Variants in NCOR2 observed in about 807,000 individuals in gnomAD.
The protein encoded by NCOR2 is CTG repeat protein 26.
In NCOR2, 81 loss-of-function variants were observed where a neutral mutation model predicts 262.9. The ratio of observed to expected loss-of-function variants is 0.31; its 90% CI spans 0.26 to 0.37. NCOR2 has a LOEUF of 0.37. Among genes scored for constraint, NCOR2 ranks in the 10% least tolerant of loss-of-function variants. The pLI is 1.00. For missense variants in NCOR2, 3,385 were observed against 3,621.4 expected, an observed-to-expected ratio of 0.93 and a Z score of 1.68; for synonymous variants, 1,659 against 1,559.3, an observed-to-expected ratio of 1.06 and a Z score of -1.51.
At position 124,347,909 on chromosome 12, in the gene NCOR2, G is replaced by C. The variant is rs772604310; in HGVS notation, c.3988C>G (p.Leu1330Val). The stretch of plus-strand genomic sequence containing the variant: ...TCCGGCGGGATGGCACGGCCCATGA[G>C]ACCTGGGTAGGAGAGGGTGAGGCCA... Residue 1330 changes from leucine (L) to valine (V), a missense_variant and splice_region_variant, in exon 30 of 47, where the codon CTC (leucine) becomes GTC (valine). By Grantham distance (32) the Leu-to-Val change is conservative. Transcript: ENST00000405201. 41 of 1,559,186 alleles carry C rather than the reference G, an allele frequency of 2.6e-5. No individual in the cohort carries two copies. The Admixed American group carries it at 7.5e-4, about 29-fold the overall frequency.
At chr12:124,555,568 G>A (rs949049447) in intron 1 of NCOR2, among the ~76,000 whole-genome samples, 39 of 152,322 alleles carry the variant, frequency 2.6e-4, no homozygotes, top group Admixed American at 1.9e-3. Context: ...ATGCGGAAAC[G>A]AGCACAAAGT....
chr12:124,419,198 C>T (rs2043076072), intron 13 of NCOR2, among the ~76,000 whole-genome samples: 1 of 152,186 alleles, frequency 6.6e-6, no homozygotes, highest in Non-Finnish European at 1.5e-5. Flanking sequence ...TTTTTTCAAA[C>T]CAACTCCTTT....
At chr12:124,479,466 C>CACAT (rs1382003072) in intron 3 of NCOR2, among the ~76,000 whole-genome samples, 2 of 100,664 alleles carry the variant, frequency 2.0e-5, no homozygotes, top group Non-Finnish European at 4.6e-5. Context: ...CACACACACA[C>CACAT]ACAAACACGC....
At chr12:124,433,400 C>T (rs546322742) in intron 8 of NCOR2, among the ~76,000 whole-genome samples, 3 of 152,374 alleles carry the variant, frequency 2.0e-5, no homozygotes, top group Non-Finnish European at 4.4e-5. Context: ...CACGTGGTGA[C>T]TGGTGCAGAC....
intron 1 of NCOR2, among the ~76,000 whole-genome samples, chr12:124,520,801 G>A (rs915962295): frequency 5.3e-5 from 8 of 152,108 alleles, no homozygotes; most frequent in East Asian, 1.9e-4. Context: ...TCCATACTTC[G>A]AAAAAGCATC....
intron 8 of NCOR2, among the ~76,000 whole-genome samples, chr12:124,435,980 A>G (rs1253834711): frequency 2.0e-5 from 3 of 152,218 alleles, no homozygotes; most frequent in Non-Finnish European, 1.5e-5. Context: ...GAGCACTCAG[A>G]AGAGCGCCTG....
At chr12:124,495,258 G>A (rs1197845756), upstream of NCOR2, 2 of 1,609,242 alleles carry the variant, frequency 1.2e-6, no homozygotes, top group East Asian at 2.2e-5. The surrounding 1 kb of genome is among the most constrained non-coding windows in gnomAD (Gnocchi z 4.4). Context: ...ACATGGTGGT[G>A]GGGGTCGGCG....
At position 124,372,160 on chromosome 12, in the gene NCOR2, G is replaced by A. The variant is rs377259499; in HGVS notation, c.2669C>T (p.Ala890Val). Residue 890 changes from alanine (A) to valine (V), a missense_variant, in exon 20 of 47, where the codon GCG (alanine) becomes GTG (valine). Coordinates refer to ENST00000405201, the Ensembl canonical transcript of NCOR2. ...GCCCTCCTTCTTCTCTGCCTTGAGC[G>A]CCCCCTCGGCCGTGGCCTCAGCGGC... The A allele has an allele frequency of 1.3e-5, 21 of 1,601,046 alleles. No individual in the cohort carries two copies. Among genetic ancestry groups the A allele is most frequent in the Admixed American group, 1.2e-4 (7 of 59,982 alleles).
chr12:124,424,021 T>G (rs1046703285), intron 11 of NCOR2, among the ~76,000 whole-genome samples: 2 of 152,076 alleles, frequency 1.3e-5, no homozygotes, highest in African/African-American at 4.8e-5. Context: ...GGCATGCAAG[T>G]GGCCAAGTTG....
intron 13 of NCOR2, among the ~76,000 whole-genome samples, chr12:124,410,062 A>G (rs1215267206): frequency 6.6e-6 from 1 of 151,136 alleles, no homozygotes; most frequent in Admixed American, 6.6e-5. Flanking sequence ...TCCCCCAGGG[A>G]CAACCTGCCG....
In NCOR2 at chr12:124,504,541, C is replaced by T. The variant is rs2048942471; in HGVS notation, c.-117-9173G>A. Among the ~76,000 whole-genome samples the T allele has an allele frequency of 6.6e-6, 1 of 152,152 alleles. No homozygotes were observed. The highest frequency in any genetic ancestry group is 2.1e-4 in the South Asian group (1 of 4,832). On this transcript the variant is annotated intron_variant, in intron 1 of 46. Transcript: ENST00000404621. The surrounding 1 kb of genome is among the most constrained non-coding windows in gnomAD (Gnocchi z 4.5). ...CGATGCCACTCCTAGCTACACATCC[C>T]CAAGGAACGGAAAACTGGTGACAAA...
At position 124,566,599 on chromosome 12, in the gene NCOR2, T is replaced by C. The variant is rs2052247972; in HGVS notation, c.-165+709A>G. On this transcript the variant is annotated intron_variant, in intron 1 of 32. Coordinates refer to the NCOR2 transcript ENST00000458234. The surrounding 1 kb of genome is among the most constrained non-coding windows in gnomAD (Gnocchi z 4.3). ...GTGCCCAAGTGGGATCAGCTCTGAA[T>C]TCCAACTTCGCAAAGTAGTGGCATC... is the stretch of plus-strand genomic sequence containing the variant. Among the ~76,000 whole-genome samples the C allele has an allele frequency of 1.3e-5, 2 of 152,340 alleles. No individual in the cohort carries two copies. Among genetic ancestry groups the C allele is most frequent in the Non-Finnish European group, 2.9e-5 (2 of 68,026 alleles).
intron 12 of NCOR2, 41 bp from the exon 15 acceptor site, chr12:124,420,096 C>T (rs375790637): frequency 2.6e-6 from 4 of 1,535,378 alleles, no homozygotes; most frequent in South Asian, 1.1e-5. Context: ...GGGTACAGCA[C>T]AGGCATTCAG....
chr12:124,474,343 A>C (rs1473333123), intron 3 of NCOR2, among the ~76,000 whole-genome samples: 23 of 152,140 alleles, frequency 1.5e-4, no homozygotes, highest in Non-Finnish European at 2.9e-5. Context: ...GGGTATTTTT[A>C]CTTTCTTCTT....
chr12:124,374,015 C>T (rs984811460), intron 19 of NCOR2, among the ~76,000 whole-genome samples: 1 of 152,192 alleles, frequency 6.6e-6, no homozygotes, highest in Non-Finnish European at 1.5e-5. Flanking sequence ...CCAAGGATGG[C>T]AAGGAGAGCC....
intron 1 of NCOR2, among the ~76,000 whole-genome samples, chr12:124,559,538 T>C (rs556084777): frequency 9.4e-4 from 143 of 152,314 alleles, no homozygotes; most frequent in Middle Eastern, 3.4e-3. Flanking sequence ...TTTCCTCCTA[T>C]GGAATGCTGG....
At chr12:124,371,698 G>A (rs927606143) in intron 20 of NCOR2, among the ~76,000 whole-genome samples, 3 of 152,200 alleles carry the variant, frequency 2.0e-5, no homozygotes, top group Non-Finnish European at 4.4e-5. Flanking sequence ...AAGCCACCTG[G>A]CTCGAACTAC....
Position 124,343,164 on chromosome 12 carries a change from C to T in NCOR2, c.4777G>A (p.Ala1593Thr), listed in dbSNP as rs200976796. 475 of 1,610,312 alleles carry T rather than the reference C, an allele frequency of 2.9e-4. 1 individual carries two copies. The highest frequency in any genetic ancestry group is 3.9e-4 in the Non-Finnish European group (459 of 1,177,496). ...GGCACGGTGCTGTGCGGGGACTTGGCGATCTCACGAGGCGTCGACGTCAGC... is the reference window on the plus strand; with the variant it reads ...GGCACGGTGCTGTGCGGGGACTTGGTGATCTCACGAGGCGTCGACGTCAGC... Residue 1593 changes from alanine to threonine, a missense_variant, in exon 33 of 47, where the codon GCC becomes ACC. Physicochemically the swap from Ala to Thr is moderately conservative, Grantham distance 58. Around this residue, in one of 5 missense-constraint regions of NCOR2, gnomAD observed 1,615 missense variants for 1,626.9 expected, o/e 0.99. Transcript: ENST00000405201.
intron 1 of NCOR2, among the ~76,000 whole-genome samples, chr12:124,509,248 G>GGC (rs1555234166): frequency 2.7e-5 from 4 of 150,790 alleles, no homozygotes; most frequent in African/African-American, 9.9e-5. Flanking sequence ...GGGGGGGGGG[G>GGC]GCTTAACTCT....
Sources: gnomAD v4.1 joint callset for allele counts (sites outside exome capture counted in the v4.1 genomes callset) on GRCh38, gnomAD v4.1.1 for gene constraint, gnomAD v4.1.1 regional missense constraint, Gnocchi (gnomAD v3.1) non-coding constraint, MANE v1.5 for transcripts, NCBI Gene and HGNC (gene_info 2026-07-23, HGNC 2026-07-21) for gene names.